The following DLC1 variants were observed in gnomAD, a reference collection of about 807,000 sequenced individuals.
DLC1 encodes rho GTPase-activating protein 7.
Under a neutral mutation model 140.3 loss-of-function variants are expected in DLC1, and 54 were observed. The observed-to-expected ratio is 0.38, with a 90% CI of 0.31 to 0.48. The LOEUF is 0.48. Among genes scored for constraint, DLC1 ranks in the 20% least tolerant of loss-of-function variants. DLC1 has a pLI of 0.96. For missense variants in DLC1, 2,536 were observed against 1,907.0 expected, an observed-to-expected ratio of 1.33 and a Z score of -6.14; for synonymous variants, 986 against 728.1, an observed-to-expected ratio of 1.35 and a Z score of -5.70.
intron 5 of DLC1, among the ~76,000 whole-genome samples, chr8:13,186,205 G>T (rs890432012): frequency 2.6e-5 from 4 of 152,158 alleles, no homozygotes; most frequent in Non-Finnish European, 4.4e-5. Flanking sequence ...GCCTTGCTAG[G>T]TTGGGGAAGT....
At chr8:13,402,297 T>G (rs1036343601) in intron 2 of DLC1, among the ~76,000 whole-genome samples, 5 of 152,234 alleles carry the variant, frequency 3.3e-5, no homozygotes, top group African/African-American at 1.2e-4. Flanking sequence ...ATAGAAATAT[T>G]TTTAATCATA....
At chr8:13,195,187 T>A (rs1421395523) in intron 5 of DLC1, among the ~76,000 whole-genome samples, 1 of 152,190 alleles carries the variant, frequency 6.6e-6, no homozygotes, top group East Asian at 1.9e-4. Flanking sequence ...AGCTAGAATC[T>A]CAAAGCCTTT....
chr8:13,206,151 T>C (rs1197013044), intron 5 of DLC1, among the ~76,000 whole-genome samples: 3 of 152,182 alleles, frequency 2.0e-5, no homozygotes, highest in Non-Finnish European at 4.4e-5. Context: ...CAATTAATGT[T>C]TAATGAAAAA....
chr8:13,587,566 CACAGAGAG>C (rs1563459636), intron 1 of DLC1, among the ~76,000 whole-genome samples: 1 of 142,378 alleles, frequency 7.0e-6, no homozygotes, highest in Non-Finnish European at 1.5e-5. Context: ...CACACACACA[CACAGAGAG>C]AGAGAAAATA....
intron 10 of DLC1, chr8:13,096,071 G>A (rs1818476253): frequency 6.6e-6 from 1 of 152,236 alleles, no homozygotes; most frequent in African/African-American, 2.4e-5. Context: ...AGGCTGTCAA[G>A]CAGAAATTCC....
At chr8:13,574,907 A>G (rs1804783227) in intron 1 of DLC1, among the ~76,000 whole-genome samples, 1 of 152,208 alleles carries the variant, frequency 6.6e-6, no homozygotes, top group Admixed American at 6.5e-5. Context: ...ATAATAACTT[A>G]GCTCATTCTG....
intron 5 of DLC1, among the ~76,000 whole-genome samples, chr8:13,246,313 CTTTTA>C (rs1482262010): frequency 6.6e-6 from 1 of 152,142 alleles, no homozygotes; most frequent in African/African-American, 2.4e-5. Context: ...TCTTACACTT[CTTTTA>C]TTTTATAAGA....
chr8:13,102,507 A>G (rs1819181285), intron 8 of DLC1, among the ~76,000 whole-genome samples: 1 of 152,238 alleles, frequency 6.6e-6, no homozygotes, highest in African/African-American at 2.4e-5. Flanking sequence ...TTCCTTAAGC[A>G]TGATCCCTTT....
At chr8:13,270,594 T>G (rs1830891388) in intron 5 of DLC1, among the ~76,000 whole-genome samples, 1 of 152,232 alleles carries the variant, frequency 6.6e-6, no homozygotes, top group Non-Finnish European at 1.5e-5. Context: ...CTCATCAATG[T>G]GTGGAATCAG....
intron 1 of DLC1, among the ~76,000 whole-genome samples, chr8:13,522,976 C>A (rs1342923470): frequency 1.3e-5 from 2 of 151,782 alleles, no homozygotes; most frequent in African/African-American, 4.8e-5. Context: ...ATTAATGTGG[C>A]TAAAATGGAA....
At chr8:13,094,390 G>A (rs1022985035) in intron 12 of DLC1, among the ~76,000 whole-genome samples, 7 of 152,174 alleles carry the variant, frequency 4.6e-5, no homozygotes, top group Non-Finnish European at 1.0e-4. Context: ...TCAAGGCCAG[G>A]CGTGGTGGCT....
chr8:13,130,135 C>A (rs756633505), intron 5 of DLC1, among the ~76,000 whole-genome samples: 38 of 152,182 alleles, frequency 2.5e-4, no homozygotes, highest in Non-Finnish European at 5.1e-4. Flanking sequence ...CCGCTTAAGT[C>A]ATAAAAATAC....
At chr8:13,590,129 T>A (rs965530908) in intron 1 of DLC1, among the ~76,000 whole-genome samples, 3 of 151,614 alleles carry the variant, frequency 2.0e-5, no homozygotes, top group Non-Finnish European at 4.4e-5. Flanking sequence ...TATTTTCCTA[T>A]GCATATATTT....
chr8:13,325,159 AAG>A (rs958308668), intron 4 of DLC1, among the ~76,000 whole-genome samples: 31 of 152,294 alleles, frequency 2.0e-4, no homozygotes, highest in African/African-American at 6.7e-4. Flanking sequence ...TAAAAACAAA[AAG>A]AGGAAAAGAG....
intron 5 of DLC1, among the ~76,000 whole-genome samples, chr8:13,258,695 T>C (rs1181218028): frequency 6.6e-6 from 1 of 152,230 alleles, no homozygotes; most frequent in Non-Finnish European, 1.5e-5. Context: ...ATGTAGCCTG[T>C]GGAACATAGT....
At chr8:13,393,433 A>G in intron 4 of DLC1, 120 bp downstream of exon 4, 1 of 1,161,328 alleles carries the variant, frequency 8.6e-7, no homozygotes, top group South Asian at 1.8e-5. Flanking sequence ...ATTAAATATC[A>G]TTAAGTCACT....
At chr8:13,509,608 A>C (rs577117237) in intron 1 of DLC1, among the ~76,000 whole-genome samples, 11 of 152,330 alleles carry the variant, frequency 7.2e-5, no homozygotes, top group African/African-American at 2.6e-4. Flanking sequence ...TTATGGGCCA[A>C]GTACTGTATT....
At chr8:13,270,036 G>A (rs1325298854) in intron 5 of DLC1, among the ~76,000 whole-genome samples, 4 of 145,842 alleles carry the variant, frequency 2.7e-5, no homozygotes, top group East Asian at 2.0e-4. Flanking sequence ...CAGCCTGGGC[G>A]ACAGAGAGAG....
intron 1 of DLC1, among the ~76,000 whole-genome samples, chr8:13,592,005 G>C (rs1289630230): frequency 6.6e-6 from 1 of 152,070 alleles, no homozygotes; most frequent in Admixed American, 6.6e-5. Context: ...GTTGCAATCA[G>C]ATATGGATTC....
Sources: allele counts gnomAD v4.1 joint callset (sites outside exome capture counted in the v4.1 genomes callset), GRCh38; gene constraint gnomAD v4.1.1; transcripts MANE v1.5; gene names NCBI Gene and HGNC (gene_info 2026-07-23, HGNC 2026-07-21).